Variants in FAM81A observed in about 807,000 individuals in gnomAD.
The protein encoded by FAM81A is protein FAM81A.
FAM81A carries 19 observed loss-of-function variants against 46.7 expected under a neutral mutation model. That is an observed-to-expected ratio of 0.41 (90% CI 0.28 to 0.60). The LOEUF (loss-of-function observed/expected upper bound fraction) is 0.60. Ranked by LOEUF, FAM81A falls within the 20% of genes least tolerant of loss-of-function variation. The pLI, the probability that FAM81A is intolerant of heterozygous loss-of-function variation, is 0.34. For missense variants in FAM81A, 377 were observed against 453.5 expected (o/e 0.83, Z 1.53); for synonymous variants, 183 against 152.9 (o/e 1.20, Z -1.45).
At chr15:59,498,925 T>C (rs1179494107) in intron 4 of FAM81A, among the ~76,000 whole-genome samples, 1 of 152,146 alleles carries the variant, frequency 6.6e-6, no homozygotes, top group East Asian at 1.9e-4. Context: ...GATCACTTGA[T>C]TACAAAGTGT....
Position 59,402,013 on chromosome 15 carries a change from C to CTGTG in FAM81A, c.-160-263_-160-262insTGTG. The stretch of plus-strand genomic sequence containing the variant: ...TATTTGTTCTGTGGCATGTTGACGC[C>CTGTG]GCAGAGCTGCCAGGAGCAGCCCCTG... On this transcript the variant is annotated intron_variant, in intron 1 of 4. Transcript: ENST00000558348. The CTGTG allele has an allele frequency of 6.5e-6, 4 of 617,368 alleles. No homozygotes were observed. In the Admixed American group the frequency reaches 1.1e-4, roughly 17 times the overall value. 38.2% of individuals were successfully genotyped at this position (617,368 alleles called of 1,614,324 possible). A position where few individuals can be genotyped will look rare whatever the true frequency, so the allele number is the denominator to read the frequency against.
At chr15:59,431,118 G>A (rs1268136070) in intron 2 of FAM81A, among the ~76,000 whole-genome samples, 7 of 152,110 alleles carry the variant, frequency 4.6e-5, no homozygotes, top group Admixed American at 3.3e-4. Flanking sequence ...TTACAGGTGA[G>A]GGCACTACTT....
intron 2 of FAM81A, among the ~76,000 whole-genome samples, chr15:59,423,882 G>A (rs1017107380): frequency 2.0e-5 from 3 of 152,236 alleles, no homozygotes; most frequent in Non-Finnish European, 4.4e-5. Context: ...CTATCTGAAA[G>A]GAAACCTAGG....
In FAM81A at chr15:59,523,420, G is replaced by A. The variant is rs1429578366; in HGVS notation, c.*2042G>A. ...GTGCCCGAGGCCTCCGCGTGTTTGGGTGTGCAGCCGAGGTGGTGAGCTGTC... is the reference window on the plus strand; with the variant it reads ...GTGCCCGAGGCCTCCGCGTGTTTGGATGTGCAGCCGAGGTGGTGAGCTGTC... On this transcript the variant is annotated 3_prime_UTR_variant, in exon 9 of 9. Coordinates refer to ENST00000288228, the MANE Select transcript of FAM81A (RefSeq NM_152450.3). 1 of 152,240 alleles carries A rather than the reference G, an allele frequency of 6.6e-6. No individual in the cohort carries two copies. Among genetic ancestry groups the A allele is most frequent in the Non-Finnish European group, 1.5e-5 (1 of 68,062 alleles). The allele number at this position is 152,240 out of a possible 1,614,324, so 9.4% of individuals were successfully genotyped here.
chr15:59,446,017 AT>A (rs1179690978), intron 1 of FAM81A, among the ~76,000 whole-genome samples: 2 of 152,182 alleles, frequency 1.3e-5, no homozygotes, highest in Non-Finnish European at 1.5e-5. Context: ...AGCAATCGAT[AT>A]GTCATTTGGG....
intron 3 of FAM81A, among the ~76,000 whole-genome samples, chr15:59,485,632 T>A (rs1596516911): frequency 1.3e-5 from 2 of 152,330 alleles, no homozygotes; most frequent in Non-Finnish European, 2.9e-5. Flanking sequence ...CAAGTCCCTT[T>A]GAATATCTGG....
chr15:59,456,523 T>A (rs1256567760), intron 1 of FAM81A, among the ~76,000 whole-genome samples: 5 of 152,138 alleles, frequency 3.3e-5, no homozygotes, highest in Non-Finnish European at 2.9e-5. Context: ...ACCCCTCTCC[T>A]GTTTTCCCTC....
intron 2 of FAM81A, among the ~76,000 whole-genome samples, chr15:59,413,417 AACACACACAC>A (rs535000983): frequency 0.041 from 5,457 of 134,466 alleles, 293 homozygotes; most frequent in African/African-American, 0.12. Flanking sequence ...GAGAGCATTA[AACACACACAC>A]ACACACACAC....
chr15:59,489,502 A>G (rs1005992217), intron 3 of FAM81A, among the ~76,000 whole-genome samples: 3 of 152,168 alleles, frequency 2.0e-5, no homozygotes, highest in Non-Finnish European at 4.4e-5. Flanking sequence ...TACAAATTCA[A>G]TGCAATCCCT....
In FAM81A at chr15:59,514,317, A is replaced by C; in HGVS notation, c.679A>C (p.Asn227His). The change falls in exon 7 of 9, where the codon AAC becomes CAC. Residue 227 changes from asparagine to histidine, a missense_variant. Asn to His is a moderately conservative substitution (Grantham distance 68, BLOSUM62 1). Transcript: ENST00000288228. ...TAAAGGTACAGTTGAGGAACTCAGT[A>C]ACCAGATATTATCTGCACGGAGTTG... is the stretch of plus-strand genomic sequence containing the variant. ...KFKGTVEELS[N>H]QILSARSWLQ... is the part of the protein sequence containing the mutation. The C allele has an allele frequency of 6.2e-7, 1 of 1,611,244 alleles. No homozygotes were observed. The highest frequency in any genetic ancestry group is 8.5e-7 in the Non-Finnish European group (1 of 1,178,824).
At chr15:59,439,165 T>A (rs1391771421) in intron 1 of FAM81A, 3 of 152,112 alleles carry the variant, frequency 2.0e-5, no homozygotes, top group Non-Finnish European at 4.4e-5. Flanking sequence ...GCTCAAAGTC[T>A]GCGTACGGCA....
At chr15:59,473,204 A>G (rs1208299503) in intron 3 of FAM81A, among the ~76,000 whole-genome samples, 1 of 152,214 alleles carries the variant, frequency 6.6e-6, no homozygotes, top group Admixed American at 6.5e-5. Flanking sequence ...AATTTCAGTT[A>G]TCTGTGGCCA....
At chr15:59,474,025 C>G (rs1189363321) in intron 3 of FAM81A, among the ~76,000 whole-genome samples, 1 of 152,160 alleles carries the variant, frequency 6.6e-6, no homozygotes, top group Non-Finnish European at 1.5e-5. Flanking sequence ...GCCACTGATG[C>G]TATTTAACAG....
intron 3 of FAM81A, among the ~76,000 whole-genome samples, chr15:59,487,729 C>T (rs1406651544): frequency 6.6e-6 from 1 of 152,092 alleles, no homozygotes; most frequent in African/African-American, 2.4e-5. Context: ...CCTGAACAAA[C>T]CAGTAACAAG....
chr15:59,417,756 T>C (rs1452532969), intron 2 of FAM81A, among the ~76,000 whole-genome samples: 1 of 152,052 alleles, frequency 6.6e-6, no homozygotes, highest in Non-Finnish European at 1.5e-5. Context: ...AAGATTTTTT[T>C]TGCTTGATTA....
intron 1 of FAM81A, among the ~76,000 whole-genome samples, chr15:59,443,497 C>A (rs903353197): frequency 6.6e-6 from 1 of 152,232 alleles, no homozygotes; most frequent in African/African-American, 2.4e-5. Context: ...CCCAGTCATT[C>A]TGTCTCTCGT....
upstream of FAM81A, among the ~76,000 whole-genome samples, chr15:59,434,231 G>A (rs1306310322): frequency 6.6e-6 from 1 of 152,204 alleles, no homozygotes; most frequent in Non-Finnish European, 1.5e-5. Flanking sequence ...GAGTTACTCA[G>A]TGCAAAACGA....
intron 2 of FAM81A, among the ~76,000 whole-genome samples, chr15:59,419,493 A>G (rs2081161440): frequency 6.6e-6 from 1 of 152,150 alleles, no homozygotes; most frequent in Non-Finnish European, 1.5e-5. Flanking sequence ...GACCTTCTAC[A>G]GTACTTGAAG....
At chr15:59,513,359 C>A (rs1475384050) in intron 6 of FAM81A, among the ~76,000 whole-genome samples, 17 of 152,156 alleles carry the variant, frequency 1.1e-4, no homozygotes, top group African/African-American at 4.1e-4. Context: ...GAAGGGGACC[C>A]TAGAAGAGGA....
Sources: gnomAD v4.1 joint callset for allele counts (sites outside exome capture counted in the v4.1 genomes callset) on GRCh38, gnomAD v4.1.1 for gene constraint, MANE v1.5 for transcripts, NCBI Gene and HGNC (gene_info 2026-07-23, HGNC 2026-07-21) for gene names.